MOV10: variants seen among roughly 807,000 people sequenced by gnomAD.
MOV10 encodes RNA helicase MOV-10.
Under a neutral mutation model 108.4 loss-of-function variants are expected in MOV10, and 39 were observed. That is an observed-to-expected ratio of 0.36 (90% CI 0.28 to 0.47). The LOEUF is 0.47. Among genes scored for constraint, MOV10 ranks in the 20% least tolerant of loss-of-function variants. MOV10 has a pLI of 1.00. For synonymous variants in MOV10, 490 were observed against 523.1 expected (o/e 0.94, Z 0.86); for missense variants, 952 against 1,297.6 (o/e 0.73, Z 4.09).
intron 2 of MOV10, among the ~76,000 whole-genome samples, chr1:112,682,942 C>T (rs1295722753): frequency 1.1e-4 from 14 of 130,610 alleles, no homozygotes; most frequent in East Asian, 2.3e-4. Context: ...TTTTTTGAGA[C>T]GGAGTCTTGC....
At chr1:112,686,884 C>G in intron 2 of MOV10, 1 of 455,674 alleles carries the variant, frequency 2.2e-6, no homozygotes, top group East Asian at 6.9e-5. Context: ...TGTATCTCTA[C>G]CCACTGCCTT....
chr1:112,675,846 G>T lies in MOV10; in HGVS notation c.137+797G>T, dbSNP rs1672161888. Among the ~76,000 whole-genome samples the T allele has an allele frequency of 2.6e-5, 4 of 152,210 alleles. No homozygotes were observed. The highest frequency in any genetic ancestry group is 4.8e-5 in the African/African-American group (2 of 41,458). On this transcript the variant is annotated intron_variant, in intron 2 of 20. Transcript: ENST00000369645. This position sits in a 1 kb window ranked among gnomAD's most constrained non-coding sequence, Gnocchi z 4.7. ...GAAAACCAAGAAGCAGTTTAACAAG[G>T]GTAAACGTAAAGACTTGTACAAATA...
Position 112,690,027 on chromosome 1 carries a change from C to T in MOV10, c.765C>T (p.Pro255=). 1 of 1,614,124 alleles carries T rather than the reference C, an allele frequency of 6.2e-7. No homozygotes were observed. Among genetic ancestry groups the T allele is most frequent in the South Asian group, 1.1e-5 (1 of 91,088 alleles). The change falls in exon 5 of 21, where the codon CCC becomes CCT. Residue 255 remains proline, a synonymous_variant. Coordinates refer to ENST00000369645, the MANE Select transcript of MOV10 (RefSeq NM_001321324.2). ...PLAAQLKPMT[P]FKRTRITGNP... is the part of the protein sequence containing the mutation. ...CTGCACAGCTGAAGCCCATGACTCC[C>T]TTCAAGCGGACCCGGATCACCGGAA...
chr1:112,690,506 C>T lies in MOV10; in HGVS notation c.836+408C>T, dbSNP rs186908651. On this transcript the variant is annotated intron_variant, in intron 5 of 20. Coordinates refer to ENST00000369645, the MANE Select transcript of MOV10 (RefSeq NM_001321324.2). ...TCCTGAGTAGCTGGGATTACAGGCG[C>T]CCACTACAACACCCGGCTAATTTTT... Among the ~76,000 whole-genome samples the T allele has an allele frequency of 1.4e-3, 220 of 152,134 alleles. 1 individual carries two copies. Among genetic ancestry groups the T allele is most frequent in the African/African-American group, 5.0e-3 (207 of 41,508 alleles).
intron 17 of MOV10, 101 bp from the exon 18 acceptor site, chr1:112,699,584 C>T: frequency 6.4e-7 from 1 of 1,553,050 alleles, no homozygotes; most frequent in Non-Finnish European, 8.7e-7. Flanking sequence ...TACAATTGCC[C>T]AGTGACCTCT....
intron 2 of MOV10, chr1:112,684,963 G>C (rs1672956717): frequency 6.6e-6 from 1 of 152,090 alleles, no homozygotes; most frequent in African/African-American, 2.4e-5. Context: ...TTTATCTGTT[G>C]AATGTGTTTA....
At position 112,694,897 on chromosome 1, in the gene MOV10, G is replaced by A; in HGVS notation, c.1620+1G>A. ...CACGTTAGTGGAGGCAATTAAGCAG[G>A]TGGGGTCTGAGCACAAACCTGGGGC... On this transcript the variant is annotated splice_donor_variant, in intron 10 of 20. Transcript: ENST00000369645. LOFTEE classifies it high-confidence loss of function. The surrounding 1 kb of genome is among the most constrained non-coding windows in gnomAD (Gnocchi z 4.1). The A allele has an allele frequency of 6.2e-7, 1 of 1,613,876 alleles. No individual in the cohort carries two copies. Among genetic ancestry groups the A allele is most frequent in the Non-Finnish European group, 8.5e-7 (1 of 1,179,846 alleles).
Position 112,696,520 on chromosome 1 carries a change from T to C in MOV10, c.1967T>C (p.Leu656Pro). ...EAGHCMEPES[L>P]VAIAGLMEVK... ...GGCCACTGCATGGAGCCTGAGAGTCTGGTAGCTATAGCAGGTGAGGGACTC... is the reference window on the plus strand; with the variant it reads ...GGCCACTGCATGGAGCCTGAGAGTCCGGTAGCTATAGCAGGTGAGGGACTC... The change falls in exon 13 of 21, where the codon CTG becomes CCG. Residue 656 changes from leucine to proline, a missense_variant. Coordinates refer to ENST00000369645, the MANE Select transcript of MOV10 (RefSeq NM_001321324.2). 6.2e-7 allele frequency: 1 copy of C among 1,613,932 alleles called. No homozygotes were observed. Among genetic ancestry groups the C allele is most frequent in the South Asian group, 1.1e-5 (1 of 91,084 alleles).
At chr1:112,683,106 G>T (rs1315282638) in intron 2 of MOV10, among the ~76,000 whole-genome samples, 2 of 150,544 alleles carry the variant, frequency 1.3e-5, no homozygotes, top group South Asian at 2.1e-4. Context: ...TTTTTGTAGA[G>T]ACGGGGTTTC....
intron 5 of MOV10, 138 bp from the exon 6 acceptor site, chr1:112,691,527 T>G: frequency 1.0e-6 from 1 of 999,362 alleles, no homozygotes; most frequent in Non-Finnish European, 1.5e-6. Flanking sequence ...ATGAGAGTAG[T>G]CCACCCTTGG....
At position 112,700,556 on chromosome 1, in the gene MOV10, C is replaced by G. The variant is rs375770810; in HGVS notation, c.*49C>G. On this transcript the variant is annotated 3_prime_UTR_variant, in exon 21 of 21. Coordinates refer to ENST00000369645, the MANE Select transcript of MOV10 (RefSeq NM_001321324.2). Reference sequence around the variant, plus strand: ...CACCAGCCAAGCCTTAACTGCCTGCCTGACCCTGAACCAGAACCCAGCTGA... The same window carrying G: ...CACCAGCCAAGCCTTAACTGCCTGCGTGACCCTGAACCAGAACCCAGCTGA... The G allele has an allele frequency of 5.5e-5, 89 of 1,604,414 alleles. No homozygotes were observed. The Admixed American group carries it at 8.6e-4, about 16-fold the overall frequency.
chr1:112,694,176 G>T lies in MOV10; in HGVS notation c.1295+4G>T, dbSNP rs772040017. 6.2e-7 allele frequency: 1 copy of T among 1,614,102 alleles called. No individual in the cohort carries two copies. Among genetic ancestry groups the T allele is most frequent in the Non-Finnish European group, 8.5e-7 (1 of 1,179,992 alleles). On this transcript the variant is annotated splice_donor_region_variant and intron_variant, in intron 8 of 20. Transcript: ENST00000369645. This position sits in a 1 kb window ranked among gnomAD's most constrained non-coding sequence, Gnocchi z 4.1. ...TCAAGCTGAGCTTTTCCATGAGGTG[G>T]GTGTTGGGGGAACCCTGAGCTGCTG... is the stretch of plus-strand genomic sequence containing the variant.
In MOV10 at chr1:112,690,020, TGACTCCCTTCAAGCGGACCCG is replaced by T; in HGVS notation, c.761_781del (p.Thr254_Arg260del). 1.9e-6 allele frequency: 3 copies of T among 1,614,116 alleles called. No individual in the cohort carries two copies. Among genetic ancestry groups the T allele is most frequent in the Non-Finnish European group, 2.5e-6 (3 of 1,180,032 alleles). On this transcript the variant is annotated inframe_deletion, in exon 5 of 21. Coordinates refer to ENST00000369645, the MANE Select transcript of MOV10 (RefSeq NM_001321324.2). ...CCCCTGGCTGCACAGCTGAAGCCCATGACTCCCTTCAAGCGGACCCGGATCACCGGAAACCCTGTGGTGACC... is the reference window on the plus strand; with the variant it reads ...CCCCTGGCTGCACAGCTGAAGCCCATGATCACCGGAAACCCTGTGGTGACC...
chr1:112,698,761 G>A lies in MOV10; in HGVS notation c.2555G>A (p.Arg852Gln), dbSNP rs1674347270. 1.9e-6 allele frequency: 3 copies of A among 1,614,140 alleles called. No homozygotes were observed. The highest frequency in any genetic ancestry group is 2.2e-5 in the East Asian group (1 of 44,882). ...YCITKLDREL[R>Q]GLDDIKDLKV... ...ATCACCAAACTTGACAGGGAGCTTC[G>A]AGGACTGGATGACATCAAGGACTTG... is the stretch of plus-strand genomic sequence containing the variant. Residue 852 changes from arginine (R) to glutamine (Q), a missense_variant, in exon 17 of 21, where the codon CGA becomes CAA. This residue lies in a region of MOV10 where 453 missense variants were observed against 611.5 expected (regional missense o/e 0.74). Transcript: ENST00000369645.
chr1:112,680,394 C>T (rs1003585636), intron 2 of MOV10, among the ~76,000 whole-genome samples: 1 of 152,014 alleles, frequency 6.6e-6, no homozygotes. Flanking sequence ...CGGTGGCTCA[C>T]GCCTGTAATC....
Position 112,700,311 on chromosome 1 carries a change from G to A in MOV10, c.2891G>A (p.Gly964Asp). 1.2e-6 allele frequency: 2 copies of A among 1,614,192 alleles called. No homozygotes were observed. ...CAACAGGGACAGAATTTACTGCAAG[G>A]TCTGAGCAAGCTCAGCCCCTCTACC... ...DLQQGQNLLQGLSKLSPSTSG... is the reference protein window; with the variant it reads ...DLQQGQNLLQDLSKLSPSTSG... The change falls in exon 20 of 21, where the codon GGT (glycine) becomes GAT (aspartate). Residue 964 changes from glycine to aspartate, a missense_variant. By Grantham distance (94) the Gly-to-Asp change is moderately conservative. Coordinates refer to ENST00000369645, the MANE Select transcript of MOV10 (RefSeq NM_001321324.2).
intron 2 of MOV10, among the ~76,000 whole-genome samples, chr1:112,681,692 T>C (rs1281894024): frequency 6.6e-6 from 1 of 152,220 alleles, no homozygotes; most frequent in East Asian, 1.9e-4. Context: ...AGATTTCTTT[T>C]AACGTTTTAC....
At chr1:112,686,030 C>T (rs1673057179) in intron 2 of MOV10, among the ~76,000 whole-genome samples, 1 of 152,206 alleles carries the variant, frequency 6.6e-6, no homozygotes, top group Non-Finnish European at 1.5e-5. Context: ...TCCCTACTGG[C>T]CCCGTTCGAA....
chr1:112,681,588 T>C (rs1672655385), intron 2 of MOV10, among the ~76,000 whole-genome samples: 1 of 152,142 alleles, frequency 6.6e-6, no homozygotes, highest in Non-Finnish European at 1.5e-5. Context: ...TAATGCATTG[T>C]TGGGATTTTT....
Sources: allele counts gnomAD v4.1 joint callset (sites outside exome capture counted in the v4.1 genomes callset), GRCh38; gene constraint gnomAD v4.1.1; regional missense constraint gnomAD v4.1.1; non-coding constraint Gnocchi (gnomAD v3.1); transcripts MANE v1.5; gene names NCBI Gene and HGNC (gene_info 2026-07-23, HGNC 2026-07-21).